Variants in TNS3 observed in about 807,000 individuals in gnomAD.
TNS3 encodes the protein tensin-3.
TNS3 carries 45 observed loss-of-function variants against 140.9 expected under a neutral mutation model. That is an observed-to-expected ratio of 0.32 (90% CI 0.25 to 0.41). TNS3 has a LOEUF of 0.41. TNS3 is among the 10% of genes least tolerant of loss of function. The probability of loss-of-function intolerance (pLI) is 1.00; values close to 1 mark genes in which losing one functional copy is unlikely to be tolerated. For synonymous variants in TNS3, 815 were observed against 788.4 expected (o/e 1.03, Z -0.56); for missense variants, 1,716 against 1,906.7 (o/e 0.90, Z 1.86).
At chr7:47,397,774 A>G (rs1229897219) in intron 15 of TNS3, among the ~76,000 whole-genome samples, 1 of 152,238 alleles carries the variant, frequency 6.6e-6, no homozygotes, top group Non-Finnish European at 1.5e-5. Flanking sequence ...CACCTCAAGG[A>G]ACTAGAGAAG....
chr7:47,545,661 C>T (rs1463020629), intron 1 of TNS3, among the ~76,000 whole-genome samples: 1 of 152,164 alleles, frequency 6.6e-6, no homozygotes, highest in East Asian at 1.9e-4. Flanking sequence ...ACTGTCCTTT[C>T]GGAAACCTCT....
chr7:47,519,924 T>C (rs1416624599), intron 2 of TNS3, among the ~76,000 whole-genome samples: 1 of 145,062 alleles, frequency 6.9e-6, no homozygotes, highest in Non-Finnish European at 1.5e-5. Context: ...CCCGGGTTCA[T>C]GTCATTCTCC....
At chr7:47,540,903 C>T (rs556517684) in intron 1 of TNS3, among the ~76,000 whole-genome samples, 2 of 152,294 alleles carry the variant, frequency 1.3e-5, no homozygotes, top group African/African-American at 4.8e-5. Flanking sequence ...GCCCCAGTAC[C>T]GAGCTGGGCT....
intron 8 of TNS3, among the ~76,000 whole-genome samples, chr7:47,430,598 A>G (rs1188574264): frequency 6.6e-6 from 1 of 152,216 alleles, no homozygotes; most frequent in African/African-American, 2.4e-5. Context: ...AGACATATAC[A>G]GAACATTGCA....
chr7:47,527,194 G>A (rs1562831997), intron 2 of TNS3, among the ~76,000 whole-genome samples: 2 of 152,114 alleles, frequency 1.3e-5, no homozygotes, highest in Admixed American at 1.3e-4. Context: ...CCGAGATCGC[G>A]CCACTGCACT....
chr7:47,364,770 C>A (rs565700232), intron 17 of TNS3, among the ~76,000 whole-genome samples: 1 of 152,188 alleles, frequency 6.6e-6, no homozygotes, highest in South Asian at 2.1e-4. Flanking sequence ...GCTCACTCTG[C>A]CCTGTTTCCA....
At chr7:47,450,391 G>A (rs1436300732) in intron 4 of TNS3, among the ~76,000 whole-genome samples, 2 of 152,324 alleles carry the variant, frequency 1.3e-5, no homozygotes, top group Admixed American at 6.5e-5. Flanking sequence ...TTGACAGCTC[G>A]GTAAAAGCTA....
chr7:47,309,062 A>G (rs1786924323), intron 20 of TNS3, among the ~76,000 whole-genome samples: 3 of 152,300 alleles, frequency 2.0e-5, no homozygotes, highest in South Asian at 4.1e-4. Context: ...TTACACCTGG[A>G]AACTTTGTCT....
chr7:47,308,488 A>T (rs558328353), intron 20 of TNS3, among the ~76,000 whole-genome samples: 25 of 152,150 alleles, frequency 1.6e-4, no homozygotes, highest in Non-Finnish European at 3.4e-4. Flanking sequence ...TGCTATTTTC[A>T]GGCTTCTTTG....
intron 8 of TNS3, among the ~76,000 whole-genome samples, chr7:47,432,728 C>A (rs1794984208): frequency 6.6e-6 from 1 of 152,218 alleles, no homozygotes; most frequent in South Asian, 2.1e-4. Context: ...TGTACGTGAA[C>A]AGATGGAGGT....
chr7:47,337,459 A>G (rs1281205779), intron 20 of TNS3, among the ~76,000 whole-genome samples: 1 of 152,266 alleles, frequency 6.6e-6, no homozygotes, highest in Admixed American at 6.5e-5. Context: ...AATTAACAAG[A>G]AGCCAGAACC....
intron 20 of TNS3, among the ~76,000 whole-genome samples, chr7:47,316,791 A>T (rs1437459948): frequency 6.6e-6 from 1 of 151,550 alleles, no homozygotes; most frequent in Admixed American, 6.6e-5. Context: ...AAAAAAAAAA[A>T]AAAAAAGTCA....
Position 47,292,001 on chromosome 7 carries a change from G to C in TNS3, c.3882C>G (p.Pro1294=). 6.2e-7 allele frequency: 1 copy of C among 1,614,152 alleles called. No individual in the cohort carries two copies. The highest frequency in any genetic ancestry group is 8.5e-7 in the Non-Finnish European group (1 of 1,180,012). Residue 1294 remains proline, a synonymous_variant, in exon 27 of 31, where the codon CCC becomes CCG. Transcript: ENST00000311160. ...CAGCTGCTGAATTGGCTGCCGTCTG[G>C]GGAGAACTTTCTGCTATTTCCTCCA... is the stretch of plus-strand genomic sequence containing the variant. ...DPLEEIAESS[P]QTAANSAAEL...
intron 20 of TNS3, among the ~76,000 whole-genome samples, chr7:47,314,593 G>A (rs565033400): frequency 4.7e-4 from 72 of 152,346 alleles, no homozygotes; most frequent in Admixed American, 1.3e-3. Context: ...CAGAATTGTT[G>A]TTGTTGCTCA....
At chr7:47,434,322 A>AC (rs943732938) in intron 8 of TNS3, among the ~76,000 whole-genome samples, 1 of 151,936 alleles carries the variant, frequency 6.6e-6, no homozygotes, top group Non-Finnish European at 1.5e-5. Flanking sequence ...AAAAAAAAAA[A>AC]AAACTTCTAT....
Position 47,275,865 on chromosome 7 carries a change from C to T in TNS3, c.*2211G>A, listed in dbSNP as rs1451171153. ...CGAGGCATGGCTTCATGAGGGCCAT[C>T]GCGGGCACCCCGATGTCTCTGTGAT... On this transcript the variant is annotated 3_prime_UTR_variant, in exon 31 of 31. Coordinates refer to ENST00000311160, the MANE Select transcript of TNS3 (RefSeq NM_022748.12). 3 of 456,052 alleles carry T rather than the reference C, an allele frequency of 6.6e-6. No individual in the cohort carries two copies. The highest frequency in any genetic ancestry group is 4.7e-5 in the Admixed American group (2 of 42,568). The allele number at this position is 456,052 out of a possible 1,614,324, so 28.3% of individuals were successfully genotyped here.
intron 27 of TNS3, 68 bp downstream of exon 27, chr7:47,291,887 G>A (rs1056333215): frequency 6.6e-7 from 1 of 1,526,128 alleles, no homozygotes. Flanking sequence ...AGTGCAAAAG[G>A]AAGTTGTGTC....
Position 47,276,103 on chromosome 7 carries a change from T to G in TNS3, c.*1973A>C, listed in dbSNP as rs1784858746. 3.6e-6 allele frequency: 1 copy of G among 276,414 alleles called. No individual in the cohort carries two copies. Among genetic ancestry groups the G allele is most frequent in the Non-Finnish European group, 7.2e-6 (1 of 139,142 alleles). The allele number at this position is 276,414 out of a possible 1,614,324, so 17.1% of individuals were successfully genotyped here. ...TCCTGCAGTGGATGAAAAACCGAGA[T>G]GCTAGAGGCCTCTGCTAAAGACATC... On this transcript the variant is annotated 3_prime_UTR_variant, in exon 31 of 31. Coordinates refer to ENST00000311160, the MANE Select transcript of TNS3 (RefSeq NM_022748.12).
chr7:47,437,258 TGTACCTTTGGGTTA>T lies in TNS3; in HGVS notation c.192_201+4del. 1 of 1,557,416 alleles carries T rather than the reference TGTACCTTTGGGTTA, an allele frequency of 6.4e-7. No individual in the cohort carries two copies. Among genetic ancestry groups the T allele is most frequent in the Non-Finnish European group, 8.6e-7 (1 of 1,157,066 alleles). ...ATGCAGAATATAAAGGGATGAACTC[TGTACCTTTGGGTTA>T]AGCTTCGTAAGGTCATATCTCTTTT... On this transcript the variant is annotated splice_donor_variant and splice_donor_region_variant and coding_sequence_variant and intron_variant, in exon 7 of 31. Transcript: ENST00000311160. LOFTEE classifies it high-confidence loss of function.
Sources: gnomAD v4.1 joint callset for allele counts (sites outside exome capture counted in the v4.1 genomes callset) on GRCh38, gnomAD v4.1.1 for gene constraint, MANE v1.5 for transcripts, NCBI Gene and HGNC (gene_info 2026-07-23, HGNC 2026-07-21) for gene names.